PLA2G4C: variants seen among roughly 807,000 people sequenced by gnomAD.
PLA2G4C encodes cytosolic phospholipase A2 gamma.
PLA2G4C carries 64 observed loss-of-function variants against 73.8 expected under a neutral mutation model. That is an observed-to-expected ratio of 0.87 (90% CI 0.71 to 1.07). The LOEUF (loss-of-function observed/expected upper bound fraction) is 1.07. PLA2G4C is among the 50% of genes least tolerant of loss of function. The probability of loss-of-function intolerance (pLI) is 0.00; values close to 1 mark genes in which losing one functional copy is unlikely to be tolerated. For missense variants in PLA2G4C, 622 were observed against 665.4 expected (o/e 0.93, Z 0.72); for synonymous variants, 254 against 252.1 (o/e 1.01, Z -0.07).
Position 48,110,812 on chromosome 19 carries a change from T to G in PLA2G4C, c.-358A>C. 1 of 353,046 alleles carries G rather than the reference T, an allele frequency of 2.8e-6. No individual in the cohort carries two copies. The highest frequency in any genetic ancestry group is 5.1e-6 in the Non-Finnish European group (1 of 197,824). 21.9% of individuals were successfully genotyped at this position (353,046 alleles called of 1,614,324 possible). A position where few individuals can be genotyped will look rare whatever the true frequency, so the allele number is the denominator to read the frequency against. ...GCCCTGCTTGGTTGCTCCAGCTTTT[T>G]CAGCTGTTCCAGAGCTCACCCGGAG... is the stretch of plus-strand genomic sequence containing the variant. On this transcript the variant is annotated 5_prime_UTR_variant, in exon 1 of 17. Transcript: ENST00000599921.
intron 8 of PLA2G4C, among the ~76,000 whole-genome samples, chr19:48,089,095 T>G (rs407654): frequency 0.093 from 14,165 of 152,206 alleles, 1,403 homozygotes; most frequent in African/African-American, 0.25. Context: ...CCCTTTTTAG[T>G]TTTGTTTTTA....
chr19:48,098,015 C>T (rs945503395), intron 6 of PLA2G4C, 124 bp downstream of exon 6: 20 of 1,063,320 alleles, frequency 1.9e-5, no homozygotes, highest in Admixed American at 4.6e-5. Flanking sequence ...ACCCTGTTTT[C>T]TGCAATCCTG....
At chr19:48,084,798 G>T (rs368227810) in intron 10 of PLA2G4C, among the ~76,000 whole-genome samples, 15 of 152,184 alleles carry the variant, frequency 9.9e-5, no homozygotes, top group African/African-American at 3.4e-4. Context: ...GCACAGAGAG[G>T]TTAGGTAACT....
intron 14 of PLA2G4C, 40 bp from the exon 15 acceptor site, chr19:48,055,089 CA>C: frequency 4.4e-6 from 1 of 228,138 alleles, no homozygotes; most frequent in South Asian, 9.3e-5. Context: ...AAGACCTCTC[CA>C]GAAGACCCCT....
chr19:48,094,241 C>T (rs1045942052), intron 7 of PLA2G4C, among the ~76,000 whole-genome samples: 23 of 152,128 alleles, frequency 1.5e-4, no homozygotes, highest in Non-Finnish European at 2.9e-4. Flanking sequence ...CTCTCCAGTC[C>T]CTTACCATGA....
Position 48,062,106 on chromosome 19 carries a change from C to T in PLA2G4C, c.1149G>A (p.Leu383=). Residue 383 remains leucine, a synonymous_variant, in exon 14 of 17, where the codon CTG becomes CTA. Transcript: ENST00000599921. The part of the protein sequence containing the change: ...KIMSSRKHLH[L]VDAGLAINTP... ...TGTTGATGGCTAAACCAGCATCCAC[C>T]AGGTGGAGGTGCTTCCGGCTGCTCA... The T allele has an allele frequency of 2.5e-6, 4 of 1,608,956 alleles. No individual in the cohort carries two copies. The highest frequency in any genetic ancestry group is 3.4e-6 in the Non-Finnish European group (4 of 1,177,212).
chr19:48,094,537 C>A (rs1272942441), intron 7 of PLA2G4C, among the ~76,000 whole-genome samples: 1 of 152,130 alleles, frequency 6.6e-6, no homozygotes, highest in Non-Finnish European at 1.5e-5. Flanking sequence ...AACTCTCACA[C>A]CCACATTTTG....
intron 6 of PLA2G4C, among the ~76,000 whole-genome samples, chr19:48,095,864 A>G (rs541828504): frequency 6.6e-6 from 1 of 152,164 alleles, no homozygotes; most frequent in Non-Finnish European, 1.5e-5. Context: ...TCTCTCTTCC[A>G]TCTCATTGTG....
chr19:48,110,505 C>A lies in PLA2G4C; in HGVS notation c.-51G>T, dbSNP rs748047521. 1.8e-6 allele frequency: 2 copies of A among 1,088,696 alleles called. No homozygotes were observed. The highest frequency in any genetic ancestry group is 1.5e-4 in the African/African-American group (2 of 13,224). The allele number at this position is 1,088,696 out of a possible 1,614,324, so 67.4% of individuals were successfully genotyped here. A position where few individuals can be genotyped will look rare whatever the true frequency, so the allele number is the denominator to read the frequency against. On this transcript the variant is annotated 5_prime_UTR_variant, in exon 1 of 17. Transcript: ENST00000599921. ...GGCTTGCCTGAGCCTGGGTCTGGGG[C>A]GTGTGCGCATGCGCGGTGGAGCTTG... is the stretch of plus-strand genomic sequence containing the variant.
At chr19:48,109,374 C>G (rs926192339) in intron 1 of PLA2G4C, among the ~76,000 whole-genome samples, 1 of 151,908 alleles carries the variant, frequency 6.6e-6, no homozygotes, top group Non-Finnish European at 1.5e-5. Context: ...TGGGCTCAAG[C>G]GAGCCTCTCA....
intron 7 of PLA2G4C, among the ~76,000 whole-genome samples, chr19:48,093,973 GT>G (rs1178015301): frequency 1.3e-5 from 2 of 152,120 alleles, no homozygotes; most frequent in African/African-American, 4.8e-5. Context: ...ATGATTGTAA[GT>G]TTCCTGAGGC....
chr19:48,099,830 A>T lies in PLA2G4C; in HGVS notation c.288T>A (p.Gly96=). 1 of 1,613,716 alleles carries T rather than the reference A, an allele frequency of 6.2e-7. No homozygotes were observed. Among genetic ancestry groups the T allele is most frequent in the Non-Finnish European group, 8.5e-7 (1 of 1,179,736 alleles). ...WAISSLYTND[G]DMEALEADLK... The stretch of plus-strand genomic sequence containing the variant: ...GGTCAGCCTCGAGAGCTTCCATGTC[A>T]CCATCATTGGTGTAGAGAGAAGATA... Residue 96 remains glycine (G), a synonymous_variant, in exon 5 of 17, where the codon GGT becomes GGA. Transcript: ENST00000599921.
chr19:48,094,277 A>G (rs1260701424), intron 7 of PLA2G4C, among the ~76,000 whole-genome samples: 1 of 152,198 alleles, frequency 6.6e-6, no homozygotes, highest in Admixed American at 6.5e-5. Context: ...AGCATTTACT[A>G]TGATCTGACA....
chr19:48,078,636 T>C (rs1310029577), intron 10 of PLA2G4C, among the ~76,000 whole-genome samples: 1 of 151,918 alleles, frequency 6.6e-6, no homozygotes, highest in African/African-American at 2.4e-5. Context: ...AAAAATAAAA[T>C]AAAATACTCA....
intron 12 of PLA2G4C, among the ~76,000 whole-genome samples, chr19:48,070,334 T>C (rs1412008595): frequency 6.6e-6 from 1 of 152,176 alleles, no homozygotes; most frequent in African/African-American, 2.4e-5. Flanking sequence ...TTCTCAGTAA[T>C]GTGGGTGGGT....
At chr19:48,102,592 G>A (rs1810521798) in intron 4 of PLA2G4C, among the ~76,000 whole-genome samples, 1 of 152,318 alleles carries the variant, frequency 6.6e-6, no homozygotes, top group East Asian at 1.9e-4. Context: ...AGGTTGGGAC[G>A]ATTTGCATGT....
At position 48,048,304 on chromosome 19, in the gene PLA2G4C, G is replaced by A. The variant is rs759809798; in HGVS notation, c.*39C>T. On this transcript the variant is annotated 3_prime_UTR_variant, in exon 17 of 17. Transcript: ENST00000599921. ...CCAGGTGGACATCAGGGCCCTAGTA[G>A]ACCAACAGGCCCACAGTGCCCTGGA... The A allele has an allele frequency of 4.5e-6, 7 of 1,555,042 alleles. No homozygotes were observed. In the Admixed American group the frequency reaches 1.3e-4, roughly 29 times the overall value.
chr19:48,098,505 TAG>T (rs2031723547), intron 5 of PLA2G4C, among the ~76,000 whole-genome samples: 1 of 151,418 alleles, frequency 6.6e-6, no homozygotes, highest in Non-Finnish European at 1.5e-5. Flanking sequence ...TATTTTTTGA[TAG>T]AGACAGGCTT....
chr19:48,060,362 C>G (rs1233540647), intron 14 of PLA2G4C, among the ~76,000 whole-genome samples: 1 of 152,190 alleles, frequency 6.6e-6, no homozygotes, highest in East Asian at 1.9e-4. Flanking sequence ...TTCAAGTCCT[C>G]AAGTGCCACA....
Sources: allele counts gnomAD v4.1 joint callset (sites outside exome capture counted in the v4.1 genomes callset), GRCh38; gene constraint gnomAD v4.1.1; transcripts MANE v1.5; gene names NCBI Gene and HGNC (gene_info 2026-07-23, HGNC 2026-07-21).